The following KIAA1755 variants were observed in gnomAD, a reference collection of about 807,000 sequenced individuals.
KIAA1755 encodes uncharacterized protein KIAA1755.
A neutral mutation model predicts 91.7 loss-of-function variants in KIAA1755; 68 were observed. The observed-to-expected ratio is 0.74, with a 90% confidence interval of 0.61 to 0.91. KIAA1755 has a LOEUF of 0.91. Ranked by LOEUF, KIAA1755 falls within the 40% of genes least tolerant of loss-of-function variation. The probability of loss-of-function intolerance (pLI) is 0.00; values close to 1 mark genes in which losing one functional copy is unlikely to be tolerated. For synonymous variants in KIAA1755, 610 were observed against 604.6 expected, an observed-to-expected ratio of 1.01 and a Z score of -0.13; for missense variants, 1,535 against 1,494.4, an observed-to-expected ratio of 1.03 and a Z score of -0.45.
intron 1 of KIAA1755, among the ~76,000 whole-genome samples, chr20:38,256,514 A>G (rs2076341530): frequency 3.3e-5 from 5 of 152,052 alleles, no homozygotes; most frequent in Admixed American, 3.3e-4. Flanking sequence ...ACTTAAATCT[A>G]TTTTTTGGCT....
At chr20:38,224,339 T>C (rs1374307184) in intron 8 of KIAA1755, among the ~76,000 whole-genome samples, 1 of 152,174 alleles carries the variant, frequency 6.6e-6, no homozygotes, top group East Asian at 1.9e-4. Context: ...TGGAGGCCTC[T>C]GGAAAGGGAA....
intron 4 of KIAA1755, among the ~76,000 whole-genome samples, chr20:38,232,276 C>A (rs1228874171): frequency 6.6e-6 from 1 of 152,132 alleles, no homozygotes; most frequent in Non-Finnish European, 1.5e-5. Context: ...AGGGGTCCAA[C>A]CACCTGGAAC....
At chr20:38,220,272 G>A (rs191276363) in intron 10 of KIAA1755, among the ~76,000 whole-genome samples, 1 of 150,508 alleles carries the variant, frequency 6.6e-6, no homozygotes, top group Admixed American at 6.6e-5. Flanking sequence ...CAGACTCTGA[G>A]TGCAACCAAC....
At chr20:38,222,037 C>T (rs943658807) in intron 10 of KIAA1755, among the ~76,000 whole-genome samples, 3 of 152,216 alleles carry the variant, frequency 2.0e-5, no homozygotes, top group African/African-American at 4.8e-5. Context: ...TATTTCCCTT[C>T]GCTGAGCCTC....
At chr20:38,239,756 G>A (rs376610414) in intron 3 of KIAA1755, 31 bp from the exon 4 acceptor site, 35 of 1,591,620 alleles carry the variant, frequency 2.2e-5, no homozygotes, top group Admixed American at 3.3e-5. Context: ...AGAAAAGGAC[G>A]TTAAGCAGAA....
At chr20:38,234,790 T>G (rs956629283) in intron 4 of KIAA1755, among the ~76,000 whole-genome samples, 4 of 152,144 alleles carry the variant, frequency 2.6e-5, no homozygotes, top group Non-Finnish European at 5.9e-5. Flanking sequence ...GCCAGCTGAG[T>G]TGATTACAGC....
chr20:38,257,345 T>TTGAG lies in KIAA1755; in HGVS notation c.3+3149_3+3152dup. On this transcript the variant is annotated intron_variant, in intron 1 of 13. Transcript: ENST00000279024. ...CCTGTAAACCGAGCACTTTGGGAGG[T>TTGAG]TGAGGTGGGAGGATCACTTGAGGTC... Among the ~76,000 whole-genome samples, 2 of 151,600 alleles carry TTGAG rather than the reference T, an allele frequency of 1.3e-5. 1 individual carries two copies. The highest frequency in any genetic ancestry group is 4.2e-4 in the South Asian group (2 of 4,786).
In KIAA1755 at chr20:38,213,056, G is replaced by A. The variant is rs2075475264; in HGVS notation, c.3589C>T (p.Leu1197Phe). Reference sequence around the variant, plus strand: ...GGGCCTCTCAGCTAGAGGGAGGCAAGGGGACTTGTCTGGGGTGAGTCCTCA... The same window carrying A: ...GGGCCTCTCAGCTAGAGGGAGGCAAAGGGACTTGTCTGGGGTGAGTCCTCA... ...SLEDSPQTSP[L>F]ASL The change falls in exon 14 of 14, where the codon CTT becomes TTT. Residue 1197 changes from leucine to phenylalanine, a missense_variant. By Grantham distance (22) the Leu-to-Phe change is conservative (BLOSUM62 0). Coordinates refer to ENST00000279024, the MANE Select transcript of KIAA1755 (RefSeq NM_001029864.2). 1.9e-6 allele frequency: 3 copies of A among 1,543,380 alleles called. No homozygotes were observed. The East Asian group carries it at 6.8e-5, about 35-fold the overall frequency.
chr20:38,250,856 C>T (rs2076239310), intron 1 of KIAA1755, among the ~76,000 whole-genome samples: 1 of 151,864 alleles, frequency 6.6e-6, no homozygotes, highest in South Asian at 2.1e-4. Flanking sequence ...TGTTACCAGG[C>T]ACATGTGGGG....
chr20:38,224,447 A>C (rs1207732379), intron 8 of KIAA1755, among the ~76,000 whole-genome samples: 1 of 152,234 alleles, frequency 6.6e-6, no homozygotes, highest in African/African-American at 2.4e-5. Context: ...ATTCAAAAAC[A>C]CACAATTTTA....
chr20:38,259,253 G>C (rs1178281734), intron 1 of KIAA1755, among the ~76,000 whole-genome samples: 1 of 152,324 alleles, frequency 6.6e-6, no homozygotes, highest in South Asian at 2.1e-4. Context: ...AGAGCCATGT[G>C]TGTGTACACC....
Position 38,239,615 on chromosome 20 carries a change from T to C in KIAA1755, c.1660A>G (p.Thr554Ala), listed in dbSNP as rs2076017811. Residue 554 changes from threonine to alanine, a missense_variant, in exon 4 of 14, where the codon ACC (threonine) becomes GCC (alanine). Coordinates refer to ENST00000279024, the MANE Select transcript of KIAA1755 (RefSeq NM_001029864.2). Reference protein sequence around the residue: ...ASAGSPERGPTLEEEPPGPEP... With the variant: ...ASAGSPERGPALEEEPPGPEP... Reference sequence around the variant, plus strand: ...GGCCCTGGGGGCTCCTCCTCCAGGGTGGGGCCTCTTTCTGGGGAGCCTGCA... The same window carrying C: ...GGCCCTGGGGGCTCCTCCTCCAGGGCGGGGCCTCTTTCTGGGGAGCCTGCA... The C allele has an allele frequency of 2.5e-6, 4 of 1,605,614 alleles. No individual in the cohort carries two copies. In the African/African-American group the frequency reaches 4.0e-5, roughly 16 times the overall value.
intron 13 of KIAA1755, 58 bp downstream of exon 13, chr20:38,217,195 A>C: frequency 6.9e-7 from 1 of 1,440,970 alleles, no homozygotes; most frequent in Non-Finnish European, 9.4e-7. Context: ...CCCTGTCCCC[A>C]CCATAGCCCC....
At chr20:38,225,512 T>G in intron 8 of KIAA1755, 153 bp downstream of exon 8, 2 of 658,276 alleles carry the variant, frequency 3.0e-6, no homozygotes, top group South Asian at 3.6e-5. Context: ...GCCTGAGCTC[T>G]TAATCATTTG....
chr20:38,210,749 T>A lies in KIAA1755; in HGVS notation c.*2293A>T, dbSNP rs949296916. On this transcript the variant is annotated 3_prime_UTR_variant, in exon 14 of 14. Transcript: ENST00000279024. ...GTGGTCTCTCACAAGTCAGTTTCCA[T>A]CCCAGCACCCCAGTTTCTGTGGCTC... 1.1e-4 allele frequency: 16 copies of A among 152,186 alleles called. No homozygotes were observed. Among genetic ancestry groups the A allele is most frequent in the African/African-American group, 3.4e-4 (14 of 41,438 alleles). 9.4% of individuals were successfully genotyped at this position (152,186 alleles called of 1,614,324 possible).
intron 4 of KIAA1755, chr20:38,236,937 T>C (rs1000966925): frequency 5.9e-5 from 9 of 152,174 alleles, no homozygotes; most frequent in Admixed American, 5.9e-4. Context: ...AGAGGAAAGA[T>C]GATCCTGTAG....
intron 4 of KIAA1755, among the ~76,000 whole-genome samples, chr20:38,235,532 G>A (rs2075945413): frequency 6.6e-6 from 1 of 152,184 alleles, no homozygotes; most frequent in African/African-American, 2.4e-5. Context: ...TGGATGGGGG[G>A]TGAGGGAGAT....
At chr20:38,259,484 C>T (rs1000968311) in intron 1 of KIAA1755, among the ~76,000 whole-genome samples, 3 of 149,358 alleles carry the variant, frequency 2.0e-5, no homozygotes, top group African/African-American at 7.4e-5. Context: ...CGTGTGTGTG[C>T]ATGTGTACGT....
chr20:38,219,835 G>C lies in KIAA1755; in HGVS notation c.2418-67C>G, dbSNP rs971730566. 4 of 1,576,224 alleles carry C rather than the reference G, an allele frequency of 2.5e-6. No individual in the cohort carries two copies. The South Asian group carries it at 3.4e-5, about 13-fold the overall frequency. On this transcript the variant is annotated intron_variant, in intron 10 of 13. Coordinates refer to ENST00000279024, the MANE Select transcript of KIAA1755 (RefSeq NM_001029864.2). The stretch of plus-strand genomic sequence containing the variant: ...CTTCACCCTGCTGTACTTCTGTCCC[G>C]CATAGGCCTGCCCCTCCATCTCTGT...
Sources: allele counts gnomAD v4.1 joint callset (sites outside exome capture counted in the v4.1 genomes callset), GRCh38; gene constraint gnomAD v4.1.1; transcripts MANE v1.5; gene names NCBI Gene and HGNC (gene_info 2026-07-23, HGNC 2026-07-21).